CEP83: variants seen among roughly 807,000 people sequenced by gnomAD.
CEP83 encodes centrosomal protein of 83 kDa.
In CEP83, 70 loss-of-function variants were observed where a neutral mutation model predicts 101.9. The ratio of observed to expected loss-of-function variants is 0.69; its 90% confidence interval spans 0.57 to 0.84. CEP83 has a LOEUF of 0.84. Ranked by LOEUF, CEP83 falls within the 40% of genes least tolerant of loss-of-function variation. The probability of loss-of-function intolerance (pLI) is 0.00; values close to 1 mark genes in which losing one functional copy is unlikely to be tolerated. For synonymous variants in CEP83, 264 were observed against 267.9 expected, an observed-to-expected ratio of 0.99 and a Z score of 0.14; for missense variants, 715 against 787.2, an observed-to-expected ratio of 0.91 and a Z score of 1.10.
intron 1 of CEP83, among the ~76,000 whole-genome samples, chr12:94,439,238 C>T (rs949594942): frequency 1.3e-5 from 2 of 152,014 alleles, no homozygotes; most frequent in African/African-American, 4.8e-5. Flanking sequence ...ATAAATTAGA[C>T]AAAAAGCTGG....
the CEP83 span, chr12:94,281,979 A>G: frequency 9.3e-5 from 27 of 289,854 alleles, no homozygotes; most frequent in African/African-American, 6.0e-4. Flanking sequence ...ATGGGCACAC[A>G]AGTGTGAGCA....
chr12:94,354,037 A>G (rs2060326162), intron 11 of CEP83, among the ~76,000 whole-genome samples: 1 of 152,190 alleles, frequency 6.6e-6, no homozygotes, highest in Admixed American at 6.5e-5. Context: ...CACCAATGCA[A>G]TAATAGTAGA....
chr12:94,458,205 G>GAA (rs143189453), intron 1 of CEP83, among the ~76,000 whole-genome samples: 17 of 130,140 alleles, frequency 1.3e-4, no homozygotes, highest in Non-Finnish European at 2.0e-4. Context: ...CTCAAAAAAA[G>GAA]AAAAAAAAAA....
intron 2 of CEP83, among the ~76,000 whole-genome samples, chr12:94,416,882 C>CAGT (rs2064316306): frequency 1.3e-5 from 2 of 151,982 alleles, no homozygotes; most frequent in South Asian, 4.2e-4. Flanking sequence ...GAACCACCAA[C>CAGT]AGTAATGAGG....
At chr12:94,284,828 T>G in the CEP83 span, among the ~76,000 whole-genome samples, 1 of 152,148 alleles carries the variant, frequency 6.6e-6, no homozygotes, top group African/African-American at 2.4e-5. Context: ...GTTCTGAGTC[T>G]TATCCCAAGA....
intron 6 of CEP83, among the ~76,000 whole-genome samples, chr12:94,382,706 A>G (rs181827602): frequency 1.1e-3 from 170 of 151,986 alleles, no homozygotes; most frequent in African/African-American, 3.7e-3. Flanking sequence ...GTGGTCAGAA[A>G]ACTCACTCAT....
intron 11 of CEP83, among the ~76,000 whole-genome samples, chr12:94,336,068 T>C (rs1270779724): frequency 6.6e-6 from 1 of 151,734 alleles, no homozygotes; most frequent in Non-Finnish European, 1.5e-5. Context: ...TACATCCATA[T>C]AGTATTTTAC....
At chr12:94,300,830 C>A in the CEP83 span, 1 of 1,345,544 alleles carries the variant, frequency 7.4e-7, no homozygotes, top group Non-Finnish European at 1.0e-6. Flanking sequence ...ACAAAAACAC[C>A]CGTTTACAAA....
At chr12:94,319,861 A>G (rs1971349075) in intron 14 of CEP83, among the ~76,000 whole-genome samples, 1 of 152,220 alleles carries the variant, frequency 6.6e-6, no homozygotes, top group Non-Finnish European at 1.5e-5. Context: ...GTAGAGGTCT[A>G]TCAGATCTAT....
intron 11 of CEP83, among the ~76,000 whole-genome samples, chr12:94,358,282 C>T (rs1593388084): frequency 6.6e-6 from 1 of 151,988 alleles, no homozygotes; most frequent in Non-Finnish European, 1.5e-5. Context: ...AATTCCAGAA[C>T]AATTATATAG....
intron 6 of CEP83, among the ~76,000 whole-genome samples, chr12:94,379,847 T>C (rs1370802285): frequency 6.6e-6 from 1 of 151,998 alleles, no homozygotes; most frequent in African/African-American, 2.4e-5. Context: ...TCTCCCCAAC[T>C]ATCTATCCCC....
intron 2 of CEP83, among the ~76,000 whole-genome samples, chr12:94,426,527 C>T (rs1365078096): frequency 2.0e-5 from 3 of 152,174 alleles, no homozygotes; most frequent in African/African-American, 7.2e-5. Flanking sequence ...ATAATGTGCT[C>T]ACCATTCTAA....
the CEP83 span, among the ~76,000 whole-genome samples, chr12:94,268,586 AC>A: frequency 1.1e-5 from 1 of 91,176 alleles, no homozygotes; most frequent in Admixed American, 1.2e-4. Context: ...AGAGAATAAG[AC>A]CTTTTTTTTT....
At chr12:94,305,280 A>C, downstream of CEP83, 1 of 1,599,944 alleles carries the variant, frequency 6.3e-7, no homozygotes, top group Non-Finnish European at 8.6e-7. Flanking sequence ...ATGCAAGTGG[A>C]TGTAAGCACT....
Position 94,360,602 on chromosome 12 carries a change from T to C in CEP83, c.1343+7192A>G, listed in dbSNP as rs532845814. On this transcript the variant is annotated intron_variant, in intron 11 of 16. Transcript: ENST00000397809. Reference sequence around the variant, plus strand: ...ACTATAAAATACTGATTAAAGAAATTGAAGACACCAAAAAATGAAAAGAAA... The same window carrying C: ...ACTATAAAATACTGATTAAAGAAATCGAAGACACCAAAAAATGAAAAGAAA... Among the ~76,000 whole-genome samples, 15 of 152,048 alleles carry C rather than the reference T, an allele frequency of 9.9e-5. No homozygotes were observed. In the South Asian group the frequency reaches 3.1e-3, roughly 32 times the overall value.
At chr12:94,365,883 T>G (rs1476630607) in intron 11 of CEP83, among the ~76,000 whole-genome samples, 1 of 151,268 alleles carries the variant, frequency 6.6e-6, no homozygotes, top group African/African-American at 2.4e-5. Context: ...TAAAAAAGAA[T>G]GAGGCTAATC....
intron 7 of CEP83, among the ~76,000 whole-genome samples, chr12:94,377,703 G>C (rs2061624233): frequency 6.6e-6 from 1 of 152,040 alleles, no homozygotes; most frequent in Non-Finnish European, 1.5e-5. Context: ...CATTCAACTT[G>C]CCCTGAAAAT....
downstream of CEP83, chr12:94,304,227 C>T: frequency 1.9e-6 from 1 of 517,606 alleles, no homozygotes; most frequent in East Asian, 3.0e-5. Flanking sequence ...ATGGCTGCCC[C>T]CCTTACAGTT....
In CEP83 at chr12:94,412,377, T is replaced by C. The variant is rs769080324; in HGVS notation, c.114A>G (p.Glu38=). The stretch of plus-strand genomic sequence containing the variant: ...CTTTATGATGCTCACATCGTAACCT[T>C]TCATCAATTAACATTTTCTGGAACT... ...QSEFQKMLID[E]RLRCEHHKAN... Residue 38 remains glutamate (E), a synonymous_variant, in exon 3 of 17, where the codon GAA becomes GAG. Coordinates refer to ENST00000397809, the MANE Select transcript of CEP83 (RefSeq NM_016122.3). 1.4e-5 allele frequency: 22 copies of C among 1,613,294 alleles called. No homozygotes were observed. The South Asian group carries it at 2.0e-4, about 15-fold the overall frequency.
Sources: allele counts gnomAD v4.1 joint callset (sites outside exome capture counted in the v4.1 genomes callset), GRCh38; gene constraint gnomAD v4.1.1; transcripts MANE v1.5; gene names NCBI Gene and HGNC (gene_info 2026-07-23, HGNC 2026-07-21).